The following PREX1 variants were observed in gnomAD, a reference collection of about 807,000 sequenced individuals.
PREX1 encodes phosphatidylinositol-3,4,5-trisphosphate dependent Rac exchange factor 1.
Under a neutral mutation model 198.3 loss-of-function variants are expected in PREX1, and 41 were observed. The ratio of observed to expected loss-of-function variants is 0.21; its 90% CI spans 0.16 to 0.27. PREX1 has a LOEUF of 0.27. Among genes scored for constraint, PREX1 ranks in the 10% least tolerant of loss-of-function variants. PREX1 has a pLI of 1.00. For missense variants in PREX1, 1,620 were observed against 2,200.7 expected, an observed-to-expected ratio of 0.74 and a Z score of 5.28; for synonymous variants, 843 against 887.2, an observed-to-expected ratio of 0.95 and a Z score of 0.89.
intron 35 of PREX1, 124 bp downstream of exon 35, chr20:48,632,153 G>A (rs2089319571): frequency 2.3e-6 from 2 of 855,538 alleles, no homozygotes; most frequent in South Asian, 2.9e-5. Flanking sequence ...CACAGAAGGT[G>A]CTCAAGAAAG....
chr20:48,674,156 A>G (rs2089694053), intron 14 of PREX1, among the ~76,000 whole-genome samples: 1 of 152,238 alleles, frequency 6.6e-6, no homozygotes, highest in Admixed American at 6.5e-5. Flanking sequence ...TCAAATCCAG[A>G]TATTTCAAGA....
chr20:48,635,047 G>C (rs977210894), intron 32 of PREX1, among the ~76,000 whole-genome samples: 2 of 152,136 alleles, frequency 1.3e-5, no homozygotes, highest in East Asian at 3.9e-4. Context: ...CACCAACCAG[G>C]CTTCTAACTT....
intron 7 of PREX1, among the ~76,000 whole-genome samples, chr20:48,697,907 A>G (rs1040559): frequency 0.55 from 84,307 of 152,024 alleles, 24,796 homozygotes; most frequent in African/African-American, 0.76. Flanking sequence ...CCTGACCCAT[A>G]TCCTGGATGG....
chr20:48,669,301 G>A (rs940623517), intron 14 of PREX1, among the ~76,000 whole-genome samples: 2 of 152,102 alleles, frequency 1.3e-5, no homozygotes, highest in Admixed American at 1.3e-4. Context: ...CTACCTGAAA[G>A]TAGCCCCCCA....
At chr20:48,845,909 G>C in the PREX1 span, among the ~76,000 whole-genome samples, 2 of 152,114 alleles carry the variant, frequency 1.3e-5, no homozygotes, top group Non-Finnish European at 2.9e-5. Flanking sequence ...ATTTAAACAA[G>C]GATGTAACAT....
At chr20:48,778,210 C>A (rs772946232) in intron 1 of PREX1, among the ~76,000 whole-genome samples, 5 of 152,118 alleles carry the variant, frequency 3.3e-5, no homozygotes, top group Non-Finnish European at 7.4e-5. Flanking sequence ...CATGGTAAGG[C>A]AAAGAAACTA....
chr20:48,786,980 C>A (rs1269854001), intron 1 of PREX1, among the ~76,000 whole-genome samples: 1 of 151,098 alleles, frequency 6.6e-6, no homozygotes, highest in African/African-American at 2.4e-5. Context: ...AGCCCCCCCT[C>A]CCCACAACAC....
chr20:48,869,305 TG>T, the PREX1 span, among the ~76,000 whole-genome samples: 13 of 39,186 alleles, frequency 3.3e-4, no homozygotes, highest in African/African-American at 2.6e-3. Context: ...TTTGTTGTTT[TG>T]TTTTTTTTTT....
chr20:48,810,812 G>A (rs1274835555), intron 1 of PREX1, among the ~76,000 whole-genome samples: 6 of 150,244 alleles, frequency 4.0e-5, no homozygotes, highest in Admixed American at 6.6e-5. Context: ...ACTTGAACCC[G>A]GGAGGCAGGG....
chr20:48,728,716 A>C (rs2090020413), intron 4 of PREX1, among the ~76,000 whole-genome samples: 1 of 152,214 alleles, frequency 6.6e-6, no homozygotes, highest in African/African-American at 2.4e-5. Flanking sequence ...GCTTGGCGTG[A>C]GAAGGGCCCA....
chr20:48,802,648 C>T (rs2090392765), intron 1 of PREX1, among the ~76,000 whole-genome samples: 1 of 152,208 alleles, frequency 6.6e-6, no homozygotes, highest in African/African-American at 2.4e-5. Flanking sequence ...ATTCATCTCC[C>T]CCATCCCAAA....
intron 1 of PREX1, among the ~76,000 whole-genome samples, chr20:48,788,070 C>T (rs899265466): frequency 6.6e-6 from 1 of 152,126 alleles, no homozygotes; most frequent in Admixed American, 6.5e-5. Flanking sequence ...AGCGGGGGAC[C>T]ATGAGAGAAT....
chr20:48,777,106 T>C (rs1360075662), intron 1 of PREX1, among the ~76,000 whole-genome samples: 1 of 152,070 alleles, frequency 6.6e-6, no homozygotes, highest in Non-Finnish European at 1.5e-5. Context: ...GGAAGTGAGC[T>C]AACGTTTATG....
intron 1 of PREX1, among the ~76,000 whole-genome samples, chr20:48,750,370 A>G (rs1463287753): frequency 3.3e-5 from 5 of 152,130 alleles, no homozygotes; most frequent in Admixed American, 2.0e-4. Flanking sequence ...AGATCAGTCA[A>G]TCCATGCCTT....
chr20:48,789,982 G>A (rs928993474), intron 1 of PREX1, among the ~76,000 whole-genome samples: 1 of 152,166 alleles, frequency 6.6e-6, no homozygotes, highest in Non-Finnish European at 1.5e-5. Flanking sequence ...CGTAGTAGGT[G>A]CTCAACCAAT....
At position 48,625,779 on chromosome 20, in the gene PREX1, G is replaced by T; in HGVS notation, c.*106C>A. 1 of 1,304,768 alleles carries T rather than the reference G, an allele frequency of 7.7e-7. No individual in the cohort carries two copies. The highest frequency in any genetic ancestry group is 1.0e-6 in the Non-Finnish European group (1 of 975,894). The allele number at this position is 1,304,768 out of a possible 1,614,324, so 80.8% of individuals were successfully genotyped here. ...ACGCTGGGCAGGTCCCGGAACGGGC[G>T]GCTGCGGAAGCCTTGGGCCATCCCT... On this transcript the variant is annotated 3_prime_UTR_variant, in exon 40 of 40. Transcript: ENST00000371941.
intron 26 of PREX1, 73 bp downstream of exon 26, chr20:48,645,778 T>A: frequency 2.0e-6 from 3 of 1,501,960 alleles, no homozygotes; most frequent in South Asian, 2.4e-5. Context: ...ATTCTGATGT[T>A]GCCACGGGTC....
chr20:48,664,845 G>A (rs1316141274), intron 15 of PREX1, among the ~76,000 whole-genome samples: 1 of 138,214 alleles, frequency 7.2e-6, no homozygotes, highest in African/African-American at 2.7e-5. Flanking sequence ...TTCTAATCCC[G>A]GCTCCAGACG....
the PREX1 span, among the ~76,000 whole-genome samples, chr20:48,886,582 G>C: frequency 2.6e-5 from 4 of 152,174 alleles, no homozygotes; most frequent in African/African-American, 9.7e-5. Flanking sequence ...TTTAAAGAAA[G>C]CCCCCAGAAG....
Sources: allele counts gnomAD v4.1 joint callset (sites outside exome capture counted in the v4.1 genomes callset), GRCh38; gene constraint gnomAD v4.1.1; transcripts MANE v1.5; gene names NCBI Gene and HGNC (gene_info 2026-07-23, HGNC 2026-07-21).